Variants in FHIP2A observed in about 807,000 individuals in gnomAD.
FHIP2A encodes FHF complex subunit HOOK interacting protein 2A, also known as family with sequence similarity 160 member B1.
In FHIP2A, 46 loss-of-function variants were observed where a neutral mutation model predicts 93.5. That is an observed-to-expected ratio of 0.49 (90% CI 0.39 to 0.63). FHIP2A has a LOEUF of 0.63. Ranked by LOEUF, FHIP2A falls within the 20% of genes least tolerant of loss-of-function variation. The pLI is 0.00. For synonymous variants in FHIP2A, 332 were observed against 326.5 expected (o/e 1.02, Z -0.18); for missense variants, 769 against 909.7 (o/e 0.85, Z 1.99).
intron 12 of FHIP2A, among the ~76,000 whole-genome samples, 193 bp from the exon 13 acceptor site, chr10:114,848,452 CAT>C (rs1305277916): frequency 1.5e-4 from 23 of 152,160 alleles, no homozygotes; most frequent in African/African-American, 5.5e-4. Flanking sequence ...GAATTAACAA[CAT>C]ATAATTTCAT....
At position 114,830,910 on chromosome 10, in the gene FHIP2A, A is replaced by G. The variant is rs750172487; in HGVS notation, c.104A>G (p.His35Arg). The G allele has an allele frequency of 3.1e-6, 5 of 1,605,806 alleles. No individual in the cohort carries two copies. In the South Asian group the frequency reaches 3.3e-5, roughly 11 times the overall value. Residue 35 changes from histidine to arginine, a missense_variant, in exon 2 of 17, where the codon CAT (histidine) becomes CGT (arginine). Transcript: ENST00000369248. ...DFVYHWKAIT[H>R]YYIETSDDKA... ...GTTTATCACTGGAAGGCAATTACCCATTACTACATAGAGACTTCAGGTAAG... is the reference window on the plus strand; with the variant it reads ...GTTTATCACTGGAAGGCAATTACCCGTTACTACATAGAGACTTCAGGTAAG...
chr10:114,845,412 A>G lies in FHIP2A; in HGVS notation c.1059A>G (p.Gly353=), dbSNP rs754393789. 5 of 1,613,666 alleles carry G rather than the reference A, an allele frequency of 3.1e-6. No individual in the cohort carries two copies. The highest frequency in any genetic ancestry group is 4.2e-6 in the Non-Finnish European group (5 of 1,179,680). The change falls in exon 8 of 17, where the codon GGA becomes GGG. Residue 353 remains glycine (G), a synonymous_variant. Coordinates refer to ENST00000369248, the MANE Select transcript of FHIP2A (RefSeq NM_020940.4). ...SHKEDASAFP[G]KRALISFLSW... ...AAGAAGATGCTTCAGCATTTCCAGGAAAACGAGCCTTAATTTCATTTCTTT... is the reference window on the plus strand; with the variant it reads ...AAGAAGATGCTTCAGCATTTCCAGGGAAACGAGCCTTAATTTCATTTCTTT...
Position 114,862,469 on chromosome 10 carries a change from G to A in FHIP2A, c.*929G>A, listed in dbSNP as rs2083806249. 2 of 987,438 alleles carry A rather than the reference G, an allele frequency of 2.0e-6. No individual in the cohort carries two copies. Among genetic ancestry groups the A allele is most frequent in the East Asian group, 1.1e-4 (1 of 8,814 alleles). 61.2% of individuals were successfully genotyped at this position (987,438 alleles called of 1,614,324 possible). On this transcript the variant is annotated 3_prime_UTR_variant, in exon 17 of 17. Transcript: ENST00000369248. ...GGGAACTGACTGATAACCCTTGGCA[G>A]CAATCAAAGTGCCAGTGGCTCCTCG...
chr10:114,846,445 C>A, intron 10 of FHIP2A, 78 bp downstream of exon 10: 2 of 1,454,716 alleles, frequency 1.4e-6, no homozygotes, highest in Non-Finnish European at 1.9e-6. Context: ...CAGATATTTT[C>A]AATACAACCT....
chr10:114,873,041 AC>A (rs2083867108), intron 16 of FHIP2A, among the ~76,000 whole-genome samples: 2 of 152,200 alleles, frequency 1.3e-5, no homozygotes, highest in African/African-American at 4.8e-5. Flanking sequence ...AGGAAGCAGC[AC>A]CACCTCTAAA....
intron 16 of FHIP2A, among the ~76,000 whole-genome samples, chr10:114,872,329 C>T (rs947224226): frequency 6.6e-6 from 1 of 152,158 alleles, no homozygotes; most frequent in Admixed American, 6.5e-5. Flanking sequence ...ATCCTAGAGG[C>T]CCACTCACCC....
At chr10:114,857,498 T>A (rs2083774229) in intron 14 of FHIP2A, among the ~76,000 whole-genome samples, 1 of 151,952 alleles carries the variant, frequency 6.6e-6, no homozygotes, top group African/African-American at 2.4e-5. Flanking sequence ...TTAATAGAGA[T>A]GGGGTTTCAC....
At chr10:114,897,801 CAGGAGGCTG>C (rs980879991) in intron 16 of FHIP2A, among the ~76,000 whole-genome samples, 1 of 152,136 alleles carries the variant, frequency 6.6e-6, no homozygotes, top group African/African-American at 2.4e-5. Flanking sequence ...CCCAGCTACT[CAGGAGGCTG>C]AGGTGGGAGG....
intron 14 of FHIP2A, among the ~76,000 whole-genome samples, chr10:114,858,343 T>C (rs1173621203): frequency 6.6e-6 from 1 of 152,212 alleles, no homozygotes; most frequent in Non-Finnish European, 1.5e-5. Flanking sequence ...GTGTCAGCCT[T>C]AAATTTCTTA....
At position 114,878,452 on chromosome 10, in the gene FHIP2A, G is replaced by A. The variant is rs1285768875; in HGVS notation, c.2192+17118G>A. Among the ~76,000 whole-genome samples, 3 of 152,138 alleles carry A rather than the reference G, an allele frequency of 2.0e-5. No individual in the cohort carries two copies. In the East Asian group the frequency reaches 5.8e-4, roughly 29 times the overall value. On this transcript the variant is annotated intron_variant, in intron 16 of 16. Transcript: ENST00000369250. ...AGCCCATTTTCATATCTTTGTGGAT[G>A]GACAATGGGAATCAGGATAGATAAG...
intron 15 of FHIP2A, 68 bp downstream of exon 15, chr10:114,860,957 T>G: frequency 2.1e-6 from 3 of 1,431,094 alleles, no homozygotes. Context: ...TTAATATCAT[T>G]GTATGCAGTT....
intron 1 of FHIP2A, among the ~76,000 whole-genome samples, chr10:114,828,289 GACACAAATGCACTAAGACTTCTCT>G (rs1370727500): frequency 1.3e-5 from 2 of 152,142 alleles, no homozygotes; most frequent in African/African-American, 2.4e-5. Context: ...CAAGGGTCCT[GACACAAATGCACTAAGACTTCTCT>G]GTCTGGTGAC....
At chr10:114,878,097 C>T (rs577266746) in intron 16 of FHIP2A, among the ~76,000 whole-genome samples, 3 of 152,178 alleles carry the variant, frequency 2.0e-5, no homozygotes, top group Admixed American at 2.0e-4. Context: ...TATGTATTTT[C>T]TTTCCAGTAC....
chr10:114,859,900 C>T (rs1324238367), intron 14 of FHIP2A, among the ~76,000 whole-genome samples: 2 of 152,196 alleles, frequency 1.3e-5, no homozygotes, highest in African/African-American at 4.8e-5. Context: ...GGGTCGTCAT[C>T]AGTTCTATCC....
intron 12 of FHIP2A, among the ~76,000 whole-genome samples, chr10:114,847,460 T>C (rs1436258153): frequency 2.6e-5 from 4 of 151,868 alleles, no homozygotes; most frequent in Non-Finnish European, 5.9e-5. Flanking sequence ...AGCTAATTTT[T>C]GTATTTTCAG....
At chr10:114,841,337 G>C (rs2083667754) in intron 5 of FHIP2A, among the ~76,000 whole-genome samples, 1 of 133,952 alleles carries the variant, frequency 7.5e-6, no homozygotes, top group Non-Finnish European at 1.5e-5. Context: ...CTGTTGCCCA[G>C]GCTGGAGTGC....
chr10:114,836,199 T>C lies in FHIP2A; in HGVS notation c.475T>C (p.Cys159Arg), dbSNP rs1306519931. 1.2e-6 allele frequency: 2 copies of C among 1,602,402 alleles called. No homozygotes were observed. Among genetic ancestry groups the C allele is most frequent in the South Asian group, 2.2e-5 (2 of 89,448 alleles). Residue 159 changes from cysteine (C) to arginine (R), a missense_variant, in exon 5 of 17, where the codon TGT becomes CGT. Cys to Arg is a radical substitution (Grantham distance 180). Transcript: ENST00000369248. The stretch of plus-strand genomic sequence containing the variant: ...AGAGATTCAGTTTCTTTGCATTGTG[T>C]GTGCGAAGCTGAAACAGGACCCCTA... Reference protein sequence around the residue: ...NEEIQFLCIVCAKLKQDPYLV... With the variant: ...NEEIQFLCIVRAKLKQDPYLV...
At chr10:114,847,589 C>T (rs2083709302) in intron 12 of FHIP2A, among the ~76,000 whole-genome samples, 1 of 152,142 alleles carries the variant, frequency 6.6e-6, no homozygotes, top group African/African-American at 2.4e-5. Context: ...TAGGTGGTTA[C>T]AGAAATCTCT....
chr10:114,860,702 G>A (rs765261019), intron 14 of FHIP2A, 47 bp from the exon 15 acceptor site: 14 of 1,416,774 alleles, frequency 9.9e-6, no homozygotes, highest in Middle Eastern at 1.8e-4. Flanking sequence ...TAAGCACACC[G>A]GTATACATTA....
Sources: allele counts gnomAD v4.1 joint callset (sites outside exome capture counted in the v4.1 genomes callset), GRCh38; gene constraint gnomAD v4.1.1; transcripts MANE v1.5; gene names NCBI Gene and HGNC (gene_info 2026-07-23, HGNC 2026-07-21).